The following GRK1 variants were observed in gnomAD, a reference collection of about 807,000 sequenced individuals.
The protein encoded by GRK1 is G protein-coupled receptor kinase 1.
A neutral mutation model predicts 41.7 loss-of-function variants in GRK1; 28 were observed. The observed-to-expected ratio is 0.67, with a 90% CI of 0.50 to 0.92. The LOEUF (loss-of-function observed/expected upper bound fraction) is 0.92. GRK1 is among the 40% of genes least tolerant of loss of function. The pLI, the probability that GRK1 is intolerant of heterozygous loss-of-function variation, is 0.00. For missense variants in GRK1, 703 were observed against 671.2 expected (o/e 1.05, Z -0.52); for synonymous variants, 327 against 286.7 (o/e 1.14, Z -1.42).
upstream of GRK1, among the ~76,000 whole-genome samples, chr13:113,666,732 T>C (rs2049821520): frequency 1.3e-5 from 2 of 152,186 alleles, no homozygotes; most frequent in African/African-American, 4.8e-5. Flanking sequence ...CAGTAAGCGC[T>C]GGTGGTCTCA....
Position 113,671,374 on chromosome 13 carries a change from G to T in GRK1, c.828-125G>T, listed in dbSNP as rs1594572555. The T allele has an allele frequency of 7.1e-6, 5 of 706,492 alleles. No homozygotes were observed. The highest frequency in any genetic ancestry group is 5.2e-5 in the African/African-American group (3 of 57,812). 43.8% of individuals were successfully genotyped at this position (706,492 alleles called of 1,614,324 possible). A position where few individuals can be genotyped will look rare whatever the true frequency, so the allele number is the denominator to read the frequency against. ...GGTGTCCTCTGCAGGGACGTAGGGG[G>T]GCCAGGCCTCAAAACGACCAGAACG... On this transcript the variant is annotated intron_variant, in intron 2 of 6. Transcript: ENST00000335678. This position sits in a 1 kb window ranked among gnomAD's most constrained non-coding sequence, Gnocchi z 4.1.
At chr13:113,672,174 CGTATGTG>C in intron 3 of GRK1, among the ~76,000 whole-genome samples, 1 of 150,326 alleles carries the variant, frequency 6.7e-6, no homozygotes, top group Admixed American at 6.6e-5. Context: ...GCTGTGTGCG[CGTATGTG>C]GTTTGTGGGG....
rs1468586161 is a variant in GRK1, at chr13:113,667,409, C to T, written c.23C>T (p.Thr8Ile). 1 of 1,589,374 alleles carries T rather than the reference C, an allele frequency of 6.3e-7. No individual in the cohort carries two copies. Among genetic ancestry groups the T allele is most frequent in the Non-Finnish European group, 8.6e-7 (1 of 1,166,808 alleles). ...GGGATGGATTTCGGGTCTTTGGAGA[C>T]CGTGGTGGCCAACTCTGCCTTCATC... MDFGSLE[T>I]VVANSAFIAA... Residue 8 changes from threonine to isoleucine, a missense_variant, in exon 1 of 7, where the codon ACC (threonine) becomes ATC (isoleucine). Thr to Ile is a moderately conservative substitution (Grantham distance 89). Coordinates refer to ENST00000335678, the MANE Select transcript of GRK1 (RefSeq NM_002929.3). The surrounding 1 kb of genome is among the most constrained non-coding windows in gnomAD (Gnocchi z 7.5).
rs1441327018 is a variant in GRK1, at chr13:113,731,233, G to A, written c.1084G>A (p.Glu362Lys). ...YAGTPGFMAP[E>K]LLQGEEYDFS... The stretch of plus-strand genomic sequence containing the variant: ...CTTGCTGGCAGGTTTCATGGCCCCC[G>A]AGCTCCTGCAGGGCGAGGAGTACGA... The change falls in exon 5 of 7, where the codon GAG becomes AAG. Residue 362 changes from glutamate to lysine, a missense_variant. Transcript: ENST00000335678. This position sits in a 1 kb window ranked among gnomAD's most constrained non-coding sequence, Gnocchi z 5.6. 27 of 1,537,016 alleles carry A rather than the reference G, an allele frequency of 1.8e-5. No individual in the cohort carries two copies. Among genetic ancestry groups the A allele is most frequent in the South Asian group, 4.8e-5 (4 of 84,060 alleles).
intron 1 of GRK1, 51 bp downstream of exon 1, chr13:113,668,136 G>A: frequency 1.3e-6 from 2 of 1,539,552 alleles, no homozygotes; most frequent in East Asian, 4.8e-5. Context: ...GTGCAGGGAT[G>A]GGGCGGCAGG....
At chr13:113,733,509 A>ATGTGTG (rs2049953531) in intron 6 of GRK1, among the ~76,000 whole-genome samples, 1 of 121,868 alleles carries the variant, frequency 8.2e-6, no homozygotes, top group South Asian at 2.8e-4. Flanking sequence ...ATGTGTGTGC[A>ATGTGTG]CGTGTGTGTG....
chr13:113,731,496 T>C lies in GRK1; in HGVS notation c.1194+153T>C, dbSNP rs543505348. On this transcript the variant is annotated intron_variant, in intron 5 of 6. Transcript: ENST00000335678. The surrounding 1 kb of genome is among the most constrained non-coding windows in gnomAD (Gnocchi z 5.6). The stretch of plus-strand genomic sequence containing the variant: ...GGCACAGATTCACGTGCTGGGGTCT[T>C]GCTCCTGGGCCATGCTGTTCTGTCT... 34 of 680,184 alleles carry C rather than the reference T, an allele frequency of 5.0e-5. No homozygotes were observed. In the African/African-American group the frequency reaches 5.9e-4, roughly 12 times the overall value. 42.1% of individuals were successfully genotyped at this position (680,184 alleles called of 1,614,324 possible). A position where few individuals can be genotyped will look rare whatever the true frequency, so the allele number is the denominator to read the frequency against.
chr13:113,649,371 G>A, the GRK1 span: 50 of 1,591,606 alleles, frequency 3.1e-5, no homozygotes, highest in East Asian at 4.8e-4. The surrounding 1 kb of genome is among the most constrained non-coding windows in gnomAD (Gnocchi z 4.7). Context: ...TGCGCAAACC[G>A]TTTCACTTCT....
chr13:113,650,341 C>T, the GRK1 span: 1 of 1,478,782 alleles, frequency 6.8e-7, no homozygotes, highest in South Asian at 1.1e-5. The surrounding 1 kb of genome is among the most constrained non-coding windows in gnomAD (Gnocchi z 5.0). Context: ...TTATTGCTTT[C>T]CTTTCGCTAA....
At chr13:113,662,414 A>T (rs2049795918), upstream of GRK1, among the ~76,000 whole-genome samples, 1 of 152,246 alleles carries the variant, frequency 6.6e-6, no homozygotes, top group Admixed American at 6.5e-5. Context: ...CAAGCCCCTC[A>T]TTTTTATCCA....
the GRK1 span, chr13:113,655,010 G>A: frequency 1.3e-6 from 2 of 1,590,502 alleles, no homozygotes; most frequent in African/African-American, 2.7e-5. Context: ...CGGTGGCCTT[G>A]AGCGCGTCCG....
In GRK1 at chr13:113,735,408, C is replaced by T. The variant is rs977508593; in HGVS notation, c.*45C>T. On this transcript the variant is annotated 3_prime_UTR_variant, in exon 7 of 7. Coordinates refer to ENST00000335678, the MANE Select transcript of GRK1 (RefSeq NM_002929.3). ...GTGGAGGAAAAGGACCCATACGGCT[C>T]GATGGGGGCCGCCTGCCTCCGTGGT... 54 of 1,430,146 alleles carry T rather than the reference C, an allele frequency of 3.8e-5. No homozygotes were observed. Among genetic ancestry groups the T allele is most frequent in the African/African-American group, 1.3e-4 (9 of 69,564 alleles). The allele number at this position is 1,430,146 out of a possible 1,614,324, so 88.6% of individuals were successfully genotyped here.
intron 6 of GRK1, among the ~76,000 whole-genome samples, chr13:113,733,800 T>TGTGCATACGTGTGTGC (rs1566699977): frequency 1.4e-5 from 2 of 139,466 alleles, no homozygotes; most frequent in African/African-American, 5.6e-5. Flanking sequence ...TGTGTATGTG[T>TGTGCATACGTGTGTGC]ATCTGTGTGC....
Position 113,732,970 on chromosome 13 carries a change from C to T in GRK1, c.1281C>T (p.Cys427=), listed in dbSNP as rs912872845. The change falls in exon 6 of 7, where the codon TGC becomes TGT. Residue 427 remains cysteine (C), a synonymous_variant. Transcript: ENST00000335678. ...TCAGCCAGGCCAGCAAGGACTTCTG[C>T]GAGGCGCTGCTGGAGAAGGACCCGG... ...DKFSQASKDF[C]EALLEKDPEK... 1.2e-5 allele frequency: 18 copies of T among 1,536,940 alleles called. No individual in the cohort carries two copies. Among genetic ancestry groups the T allele is most frequent in the Middle Eastern group, 1.7e-4 (1 of 6,012 alleles).
At chr13:113,734,506 TG>T (rs2049988378) in intron 6 of GRK1, 1 of 152,340 alleles carries the variant, frequency 6.6e-6, no homozygotes, top group Admixed American at 6.5e-5. Context: ...AGAGGCCGTC[TG>T]GGGGCCAGCA....
chr13:113,729,453 C>T (rs147675735), intron 4 of GRK1, among the ~76,000 whole-genome samples: 1 of 152,212 alleles, frequency 6.6e-6, no homozygotes, highest in African/African-American at 2.4e-5. Flanking sequence ...GGGACAGGGG[C>T]AGTGAAGGGA....
At chr13:113,657,762 C>T in the GRK1 span, among the ~76,000 whole-genome samples, 1 of 152,266 alleles carries the variant, frequency 6.6e-6, no homozygotes, top group Non-Finnish European at 1.5e-5. Context: ...CTCAGACATA[C>T]GGCTGACATT....
At chr13:113,734,956 C>T in intron 6 of GRK1, 112 bp from the exon 7 acceptor site, 12 of 1,056,942 alleles carry the variant, frequency 1.1e-5, no homozygotes, top group South Asian at 5.6e-5. Context: ...TAAGGAAGAG[C>T]GGCCCCAGGC....
the GRK1 span, among the ~76,000 whole-genome samples, chr13:113,660,086 G>T: frequency 9.9e-5 from 15 of 152,284 alleles, 1 homozygote; most frequent in African/African-American, 2.6e-4. Flanking sequence ...GGGGAGGAGG[G>T]CCAGAGACCT....
Sources: allele counts gnomAD v4.1 joint callset (sites outside exome capture counted in the v4.1 genomes callset), GRCh38; gene constraint gnomAD v4.1.1; non-coding constraint Gnocchi (gnomAD v3.1); transcripts MANE v1.5; gene names NCBI Gene and HGNC (gene_info 2026-07-23, HGNC 2026-07-21).